GUCY2D: variants seen among roughly 807,000 people sequenced by gnomAD.
GUCY2D encodes the protein retinal guanylyl cyclase 1.
In GUCY2D, 70 loss-of-function variants were observed where a neutral mutation model predicts 101.3. The ratio of observed to expected loss-of-function variants is 0.69; its 90% CI spans 0.57 to 0.84. The LOEUF (loss-of-function observed/expected upper bound fraction) is 0.84, where lower values mean the gene tolerates loss of function less well. Among genes scored for constraint, GUCY2D ranks in the 40% least tolerant of loss-of-function variants. The pLI is 0.00. For synonymous variants in GUCY2D, 688 were observed against 670.7 expected (o/e 1.03, Z -0.40); for missense variants, 1,460 against 1,542.5 (o/e 0.95, Z 0.90).
At chr17:8,015,664 C>T (rs1405931300) in intron 15 of GUCY2D, 79 bp from the exon 16 acceptor site, 56 of 1,239,854 alleles carry the variant, frequency 4.5e-5, no homozygotes, top group Non-Finnish European at 5.7e-5. Context: ...ATAATGGGTG[C>T]GAAGATCCCC....
chr17:8,010,764 G>A (rs1365381202), intron 8 of GUCY2D, among the ~76,000 whole-genome samples: 9 of 148,526 alleles, frequency 6.1e-5, no homozygotes, highest in African/African-American at 1.8e-4. Context: ...AGCCGAGATC[G>A]CGGCACTGCA....
chr17:8,013,384 G>A lies in GUCY2D; in HGVS notation c.2263+132G>A. ...TTATACGGAGGCCCCCTTAAAGCTG[G>A]CATCTGCAGGTCTGGGTGCAGAAAG... On this transcript the variant is annotated intron_variant, in intron 11 of 19. Transcript: ENST00000254854. This position sits in a 1 kb window ranked among gnomAD's most constrained non-coding sequence, Gnocchi z 5.0. The A allele has an allele frequency of 1.1e-6, 1 of 922,704 alleles. No individual in the cohort carries two copies. Among genetic ancestry groups the A allele is most frequent in the Non-Finnish European group, 1.7e-6 (1 of 586,872 alleles). The allele number at this position is 922,704 out of a possible 1,614,324, so 57.2% of individuals were successfully genotyped here.
rs148136213 is a variant in GUCY2D, at chr17:8,004,051, C to T, written c.921C>T (p.Ala307=). Residue 307 remains alanine, a synonymous_variant, in exon 3 of 20, where the codon GCC becomes GCT. Transcript: ENST00000254854. ...NSSQLRRAHD[A]VLTLTRHCPS... ...CCCAGCTTCGCAGGGCCCACGATGC[C>T]GTGCTCACCCTCACGCGCCACTGTC... 4.7e-4 allele frequency: 759 copies of T among 1,609,592 alleles called. No homozygotes were observed. Among genetic ancestry groups the T allele is most frequent in the Non-Finnish European group, 6.1e-4 (714 of 1,179,910 alleles).
intron 8 of GUCY2D, among the ~76,000 whole-genome samples, chr17:8,010,929 T>C (rs1975840004): frequency 6.6e-6 from 1 of 151,886 alleles, no homozygotes; most frequent in Admixed American, 6.6e-5. Flanking sequence ...CATGCCCCGA[T>C]TGTGAGGGCA....
Position 8,013,073 on chromosome 17 carries a change from G to GC in GUCY2D, c.2114-29dup. 1 of 1,603,374 alleles carries GC rather than the reference G, an allele frequency of 6.2e-7. No individual in the cohort carries two copies. On this transcript the variant is annotated intron_variant, in intron 10 of 19. Transcript: ENST00000254854. This position sits in a 1 kb window ranked among gnomAD's most constrained non-coding sequence, Gnocchi z 5.0. ...TGGTGAGGGTGGGAGTCTTTCCCCAGCGGCGCCTCAGCCCCTTCCCCATCC... is the reference window on the plus strand; with the variant it reads ...TGGTGAGGGTGGGAGTCTTTCCCCAGCCGGCGCCTCAGCCCCTTCCCCATCC...
chr17:8,015,591 G>A, intron 15 of GUCY2D, 89 bp downstream of exon 15: 5 of 1,289,408 alleles, frequency 3.9e-6, no homozygotes, highest in East Asian at 5.0e-5. Flanking sequence ...CTCATGGAGC[G>A]GGGAGTGGGG....
intron 7 of GUCY2D, among the ~76,000 whole-genome samples, chr17:8,009,034 A>C (rs1051703278): frequency 6.6e-6 from 1 of 152,192 alleles, no homozygotes; most frequent in African/African-American, 2.4e-5. Context: ...GCCCTGTGTG[A>C]CTGCACAGGT....
chr17:8,013,467 C>G lies in GUCY2D; in HGVS notation c.2263+215C>G. 2 of 608,596 alleles carry G rather than the reference C, an allele frequency of 3.3e-6. No homozygotes were observed. The highest frequency in any genetic ancestry group is 5.9e-6 in the Non-Finnish European group (2 of 338,210). 37.7% of individuals were successfully genotyped at this position (608,596 alleles called of 1,614,324 possible). A position where few individuals can be genotyped will look rare whatever the true frequency, so the allele number is the denominator to read the frequency against. ...TTAGGTCCCAGACCACAACAGCTTCCTCTTTCTTGATGCTGGAACCAAACT... is the reference window on the plus strand; with the variant it reads ...TTAGGTCCCAGACCACAACAGCTTCGTCTTTCTTGATGCTGGAACCAAACT... On this transcript the variant is annotated intron_variant, in intron 11 of 19. Transcript: ENST00000254854. This position sits in a 1 kb window ranked among gnomAD's most constrained non-coding sequence, Gnocchi z 5.0.
chr17:8,015,910 G>GTCCCCCACCGCCACAGCT lies in GUCY2D; in HGVS notation c.3044-15_3046dup. On this transcript the variant is annotated splice_polypyrimidine_tract_variant and intron_variant, in intron 16 of 19. Transcript: ENST00000254854. The stretch of plus-strand genomic sequence containing the variant: ...GGGAGGTGAGTCCCGAGCTCACGGC[G>GTCCCCCACCGCCACAGCT]TCCCCCACCGCCACAGCTTACCGCA... 14 of 1,600,398 alleles carry GTCCCCCACCGCCACAGCT rather than the reference G, an allele frequency of 8.7e-6. No individual in the cohort carries two copies. The highest frequency in any genetic ancestry group is 1.2e-5 in the Non-Finnish European group (14 of 1,173,164).
rs761631031 is a variant in GUCY2D at position 8,009,574 on chromosome 17, G to T, written c.1737G>T (p.Thr579=). The change falls in exon 8 of 20, where the codon ACG becomes ACT. Residue 579 remains threonine (T), a synonymous_variant. Coordinates refer to ENST00000254854, the MANE Select transcript of GUCY2D (RefSeq NM_000180.4). Reference sequence around the variant, plus strand: ...TAGCTATCCGCCCAGCAACCAAGACGGCCTTCTCCAAGGTGAGACTTGGGC... The same window carrying T: ...TAGCTATCCGCCCAGCAACCAAGACTGCCTTCTCCAAGGTGAGACTTGGGC... ...QHIAIRPATK[T]AFSKLQELRH... 6.2e-7 allele frequency: 1 copy of T among 1,611,874 alleles called. No individual in the cohort carries two copies. Among genetic ancestry groups the T allele is most frequent in the South Asian group, 1.1e-5 (1 of 91,038 alleles).
Position 8,013,964 on chromosome 17 carries a change from T to G in GUCY2D, c.2348T>G (p.Leu783Arg), listed in dbSNP as rs1166312966. ...CAGGCACCTGTCGAGTGTATCCTCC[T>G]GATGAAGCAGTGCTGGGCAGAGCAG... ...MDQAPVECIL[L>R]MKQCWAEQPE... is the part of the protein sequence containing the mutation. Residue 783 changes from leucine to arginine, a missense_variant, in exon 12 of 20, where the codon CTG becomes CGG. By Grantham distance (102) the Leu-to-Arg change is moderately radical. Transcript: ENST00000254854. The surrounding 1 kb of genome is among the most constrained non-coding windows in gnomAD (Gnocchi z 5.0). The G allele has an allele frequency of 6.2e-7, 1 of 1,613,764 alleles. No homozygotes were observed. Among genetic ancestry groups the G allele is most frequent in the Non-Finnish European group, 8.5e-7 (1 of 1,179,728 alleles).
At chr17:8,005,457 T>A (rs1225514734) in intron 3 of GUCY2D, among the ~76,000 whole-genome samples, 1 of 152,116 alleles carries the variant, frequency 6.6e-6, no homozygotes, top group African/African-American at 2.4e-5. Context: ...CTCTTCCACC[T>A]CCCATGAACT....
At chr17:8,007,213 C>A in intron 5 of GUCY2D, 69 bp downstream of exon 5, 2 of 1,240,796 alleles carry the variant, frequency 1.6e-6, no homozygotes, top group Non-Finnish European at 2.4e-6. Context: ...GCAAAAACAG[C>A]AGGCTGGGTT....
At chr17:8,005,877 GTTTTTTGTTTA>G (rs1567958116) in intron 3 of GUCY2D, among the ~76,000 whole-genome samples, 1 of 152,082 alleles carries the variant, frequency 6.6e-6, no homozygotes, top group Non-Finnish European at 1.5e-5. Flanking sequence ...TTTTTTGTTT[GTTTTTTGTTTA>G]GTTTTTTTGT....
At position 8,003,699 on chromosome 17, in the gene GUCY2D, A is replaced by G. The variant is rs780953815; in HGVS notation, c.652A>G (p.Met218Val). Reference sequence around the variant, plus strand: ...CCTGCCTGTCGCCTCCGTGACTTCCATGGAGCCCTTGGACCTGTCTGGAGC... The same window carrying G: ...CCTGCCTGTCGCCTCCGTGACTTCCGTGGAGCCCTTGGACCTGTCTGGAGC... ...RGLPVASVTSMEPLDLSGARE... is the reference protein window; with the variant it reads ...RGLPVASVTSVEPLDLSGARE... The change falls in exon 2 of 20, where the codon ATG becomes GTG. Residue 218 changes from methionine (M) to valine (V), a missense_variant. Met to Val is a conservative substitution (Grantham distance 21, BLOSUM62 1). Transcript: ENST00000254854. 3 of 1,597,982 alleles carry G rather than the reference A, an allele frequency of 1.9e-6. No homozygotes were observed. Among genetic ancestry groups the G allele is most frequent in the Non-Finnish European group, 2.5e-6 (3 of 1,179,536 alleles).
At position 8,003,362 on chromosome 17, in the gene GUCY2D, C is replaced by A. The variant is rs2151799357; in HGVS notation, c.315C>A (p.Cys105Ter). ...AGGTAGCGCTGCTGCCCGAGCCTTG[C>A]CGGACGCCGGGCTCGCTGGGGGCCG... is the stretch of plus-strand genomic sequence containing the variant. ...RFEVALLPEPCRTPGSLGAVS... is the reference protein window; with the variant it reads ...RFEVALLPEP The change falls in exon 2 of 20, where the codon TGC (cysteine) becomes TGA (stop). Residue 105 changes from cysteine to a stop codon, truncating the protein, a stop_gained. Coordinates refer to ENST00000254854, the MANE Select transcript of GUCY2D (RefSeq NM_000180.4). LOFTEE classifies it high-confidence loss of function. 6.8e-7 allele frequency: 1 copy of A among 1,466,694 alleles called. No individual in the cohort carries two copies. The highest frequency in any genetic ancestry group is 1.3e-5 in the South Asian group (1 of 76,540). 90.9% of individuals were successfully genotyped at this position (1,466,694 alleles called of 1,614,324 possible).
chr17:8,006,071 G>A (rs1975731377), intron 3 of GUCY2D, among the ~76,000 whole-genome samples: 3 of 152,172 alleles, frequency 2.0e-5, no homozygotes, highest in African/African-American at 7.2e-5. Flanking sequence ...AATGGTCAGA[G>A]AGGAGGCTGA....
Position 8,015,435 on chromosome 17 carries a change from C to T in GUCY2D, c.2877C>T (p.Ala959=), listed in dbSNP as rs1314415204. 1 of 1,613,860 alleles carries T rather than the reference C, an allele frequency of 6.2e-7. No homozygotes were observed. Among genetic ancestry groups the T allele is most frequent in the Non-Finnish European group, 8.5e-7 (1 of 1,179,898 alleles). ...ACATGTCACTGGACATCCTCAGTGC[C>T]GTGGGCACTTTCCGCATGCGCCATA... ...IANMSLDILS[A]VGTFRMRHMP... is the part of the protein sequence containing the mutation. Residue 959 remains alanine, a synonymous_variant, in exon 15 of 20, where the codon GCC becomes GCT. Coordinates refer to ENST00000254854, the MANE Select transcript of GUCY2D (RefSeq NM_000180.4).
At chr17:8,020,078 T>C (rs1207128491) in intron 19 of GUCY2D, 50 bp from the exon 20 acceptor site, 1 of 145,494 alleles carries the variant, frequency 6.9e-6, no homozygotes, top group Non-Finnish European at 1.5e-5. Flanking sequence ...GTCCCGGGGC[T>C]CACCTGGCGC....
Sources: allele counts gnomAD v4.1 joint callset (sites outside exome capture counted in the v4.1 genomes callset), GRCh38; gene constraint gnomAD v4.1.1; non-coding constraint Gnocchi (gnomAD v3.1); transcripts MANE v1.5; gene names NCBI Gene and HGNC (gene_info 2026-07-23, HGNC 2026-07-21).